SLC24A3: variants seen among roughly 807,000 people sequenced by gnomAD.
SLC24A3 encodes sodium/potassium/calcium exchanger 3.
SLC24A3 carries 28 observed loss-of-function variants against 75.8 expected under a neutral mutation model. That is an observed-to-expected ratio of 0.37 (90% CI 0.27 to 0.51). The LOEUF (loss-of-function observed/expected upper bound fraction) is 0.51, where lower values mean the gene tolerates loss of function less well. Among genes scored for constraint, SLC24A3 ranks in the 20% least tolerant of loss-of-function variants. The probability of loss-of-function intolerance (pLI) is 0.94; values close to 1 mark genes in which losing one functional copy is unlikely to be tolerated. For synonymous variants in SLC24A3, 372 were observed against 334.1 expected, an observed-to-expected ratio of 1.11 and a Z score of -1.24; for missense variants, 663 against 847.8, an observed-to-expected ratio of 0.78 and a Z score of 2.71.
At chr20:19,697,075 G>A (rs2032817681) in intron 14 of SLC24A3, among the ~76,000 whole-genome samples, 164 bp downstream of exon 14, 1 of 151,700 alleles carries the variant, frequency 6.6e-6, no homozygotes, top group African/African-American at 2.4e-5. Context: ...AGGAAGGAAG[G>A]GAGGAAGTCA....
At chr20:19,265,365 G>C (rs1451334716) in intron 1 of SLC24A3, among the ~76,000 whole-genome samples, 1 of 152,216 alleles carries the variant, frequency 6.6e-6, no homozygotes, top group Non-Finnish European at 1.5e-5. Context: ...GAGAGGCTCT[G>C]TGTTCATGGC....
intron 6 of SLC24A3, among the ~76,000 whole-genome samples, chr20:19,650,704 C>T (rs2032192178): frequency 1.3e-5 from 2 of 152,062 alleles, no homozygotes. Flanking sequence ...AGACAATATT[C>T]TGCTTAGTTT....
At chr20:19,546,439 C>T in intron 3 of SLC24A3, among the ~76,000 whole-genome samples, 1 of 152,156 alleles carries the variant, frequency 6.6e-6, no homozygotes. Flanking sequence ...CAAACCAAAT[C>T]TCATCAATGC....
At chr20:19,224,365 CA>C (rs962819098) in intron 1 of SLC24A3, among the ~76,000 whole-genome samples, 1 of 152,060 alleles carries the variant, frequency 6.6e-6, no homozygotes, top group African/African-American at 2.4e-5. Context: ...ATTCTACCCC[CA>C]ATAATTTTGC....
intron 1 of SLC24A3, among the ~76,000 whole-genome samples, chr20:19,248,614 A>C (rs1261370472): frequency 6.6e-6 from 1 of 152,152 alleles, no homozygotes; most frequent in Non-Finnish European, 1.5e-5. Context: ...CTAAAATTAG[A>C]GTTACTATAT....
At chr20:19,360,537 G>A (rs974822020) in intron 2 of SLC24A3, among the ~76,000 whole-genome samples, 1 of 152,200 alleles carries the variant, frequency 6.6e-6, no homozygotes, top group African/African-American at 2.4e-5. Flanking sequence ...ACATGAAAAT[G>A]TCTCAGCATG....
chr20:19,507,558 G>A (rs891638476), intron 2 of SLC24A3, among the ~76,000 whole-genome samples: 2 of 152,224 alleles, frequency 1.3e-5, no homozygotes, highest in Admixed American at 6.5e-5. Context: ...TTCAAGAAAT[G>A]CTGAGACAAG....
At chr20:19,366,461 G>A (rs1985893354) in intron 2 of SLC24A3, among the ~76,000 whole-genome samples, 2 of 152,120 alleles carry the variant, frequency 1.3e-5, no homozygotes, top group African/African-American at 2.4e-5. Context: ...TCCATGTAAT[G>A]GGCTTTTGAG....
chr20:19,238,587 G>A (rs1431224713), intron 1 of SLC24A3, among the ~76,000 whole-genome samples: 1 of 152,194 alleles, frequency 6.6e-6, no homozygotes, highest in Non-Finnish European at 1.5e-5. Flanking sequence ...CGATTTTAAA[G>A]CAAAGTGGAT....
At chr20:19,454,887 A>G (rs1987552293) in intron 2 of SLC24A3, among the ~76,000 whole-genome samples, 1 of 152,112 alleles carries the variant, frequency 6.6e-6, no homozygotes, top group Admixed American at 6.5e-5. Context: ...TCTAGTTTTC[A>G]TCAGTGTTAG....
At chr20:19,639,667 G>A (rs953236522) in intron 6 of SLC24A3, among the ~76,000 whole-genome samples, 9 of 152,372 alleles carry the variant, frequency 5.9e-5, no homozygotes, top group South Asian at 2.1e-4. Context: ...GGGACTGGGT[G>A]CCGAGGAGCA....
intron 1 of SLC24A3, among the ~76,000 whole-genome samples, chr20:19,237,248 G>C (rs1375409939): frequency 2.0e-5 from 3 of 152,246 alleles, no homozygotes; most frequent in Non-Finnish European, 4.4e-5. Flanking sequence ...TTCAGCACCT[G>C]GTGCTCCTGG....
chr20:19,243,056 A>G (rs1488249351), intron 1 of SLC24A3, among the ~76,000 whole-genome samples: 1 of 152,150 alleles, frequency 6.6e-6, no homozygotes, highest in East Asian at 1.9e-4. Flanking sequence ...CAATAATAAA[A>G]GTTTCTTTTT....
intron 15 of SLC24A3, among the ~76,000 whole-genome samples, chr20:19,705,795 A>G (rs1396051317): frequency 1.3e-5 from 2 of 152,176 alleles, no homozygotes; most frequent in Non-Finnish European, 2.9e-5. Flanking sequence ...CATTAGGTTT[A>G]AGCATTTGGC....
chr20:19,322,116 A>T (rs911815788), intron 2 of SLC24A3, among the ~76,000 whole-genome samples: 2 of 152,070 alleles, frequency 1.3e-5, no homozygotes, highest in Non-Finnish European at 1.5e-5. Context: ...CTGCTTGGTT[A>T]TGAAGTGTCC....
At chr20:19,273,635 A>C (rs541740157) in intron 1 of SLC24A3, among the ~76,000 whole-genome samples, 82 of 152,154 alleles carry the variant, frequency 5.4e-4, no homozygotes, top group African/African-American at 1.9e-3. Context: ...GGATCTTGTG[A>C]GATGCAGATT....
chr20:19,303,896 A>G (rs1385998662), intron 2 of SLC24A3, among the ~76,000 whole-genome samples: 1 of 152,160 alleles, frequency 6.6e-6, no homozygotes, highest in East Asian at 1.9e-4. Flanking sequence ...GCTGCTGACT[A>G]TTCACCCATG....
intron 2 of SLC24A3, among the ~76,000 whole-genome samples, chr20:19,456,591 A>G (rs955030538): frequency 1.3e-5 from 2 of 152,214 alleles, no homozygotes; most frequent in Non-Finnish European, 2.9e-5. Flanking sequence ...GCAGCGTGAA[A>G]ATGGACTAAT....
chr20:19,470,842 G>A (rs1394263464), intron 2 of SLC24A3, among the ~76,000 whole-genome samples: 1 of 152,192 alleles, frequency 6.6e-6, no homozygotes, highest in Non-Finnish European at 1.5e-5. Flanking sequence ...GGGAGGTGCA[G>A]GCTAGCTGAG....
Sources: allele counts gnomAD v4.1 joint callset (sites outside exome capture counted in the v4.1 genomes callset), GRCh38; gene constraint gnomAD v4.1.1; transcripts MANE v1.5; gene names NCBI Gene and HGNC (gene_info 2026-07-23, HGNC 2026-07-21).